The following SCARF1 variants were observed in gnomAD, a reference collection of about 807,000 sequenced individuals.
The protein encoded by SCARF1 is acetyl LDL receptor.
A neutral mutation model predicts 76.3 loss-of-function variants in SCARF1; 49 were observed. The ratio of observed to expected loss-of-function variants is 0.64; its 90% CI spans 0.51 to 0.81. The LOEUF (loss-of-function observed/expected upper bound fraction) is 0.81, where lower values mean the gene tolerates loss of function less well. Ranked by LOEUF, SCARF1 falls within the 40% of genes least tolerant of loss-of-function variation. SCARF1 has a pLI of 0.00. For missense variants in SCARF1, 1,098 were observed against 1,143.9 expected, an observed-to-expected ratio of 0.96 and a Z score of 0.58; for synonymous variants, 495 against 474.6, an observed-to-expected ratio of 1.04 and a Z score of -0.56.
chr17:1,639,227 C>T (rs73976246), intron 7 of SCARF1, among the ~76,000 whole-genome samples: 8,141 of 152,250 alleles, frequency 0.053, 290 homozygotes, highest in African/African-American at 0.099. Context: ...GTCTCTGGGC[C>T]GGGCACAGTG....
rs1354505373 is a variant in SCARF1, at chr17:1,638,919, G to C, written c.1251C>G (p.Gly417=). ...PVSGSCQPGS[G]SRDTALIAGS... ...CCGCGATGAGGGCAGTGTCCCGACT[G>C]CCAGAGCCTGGGGGAGCCAGAAACG... Residue 417 remains glycine, a synonymous_variant, in exon 8 of 11, where the codon GGC becomes GGG. Coordinates refer to ENST00000263071, the MANE Select transcript of SCARF1 (RefSeq NM_003693.4). 6 of 1,591,270 alleles carry C rather than the reference G, an allele frequency of 3.8e-6. No individual in the cohort carries two copies. Among genetic ancestry groups the C allele is most frequent in the Non-Finnish European group, 5.1e-6 (6 of 1,165,946 alleles).
chr17:1,635,816 C>T (rs1231131407), intron 10 of SCARF1, among the ~76,000 whole-genome samples, 199 bp from the exon 11 acceptor site: 2 of 147,536 alleles, frequency 1.4e-5, no homozygotes, highest in African/African-American at 2.5e-5. Flanking sequence ...GAGATGGGGT[C>T]TCACTATGTT....
Position 1,644,304 on chromosome 17 carries a change from C to G in SCARF1, c.266-337G>C, listed in dbSNP as rs1174844994. 4 of 314,984 alleles carry G rather than the reference C, an allele frequency of 1.3e-5. No individual in the cohort carries two copies. Among genetic ancestry groups the G allele is most frequent in the Admixed American group, 4.8e-5 (1 of 20,928 alleles). 19.5% of individuals were successfully genotyped at this position (314,984 alleles called of 1,614,324 possible). Reference sequence around the variant, plus strand: ...TGCTCCTCCCTGCCGAGATGGATCTCTGCTGGGCTGGAGGAGAGCTGGCTT... The same window carrying G: ...TGCTCCTCCCTGCCGAGATGGATCTGTGCTGGGCTGGAGGAGAGCTGGCTT... On this transcript the variant is annotated intron_variant, in intron 3 of 10. Transcript: ENST00000263071. The surrounding 1 kb of genome is among the most constrained non-coding windows in gnomAD (Gnocchi z 4.8).
chr17:1,643,207 C>G (rs1238188596), intron 4 of SCARF1: 1 of 111,804 alleles, frequency 8.9e-6, no homozygotes, highest in Non-Finnish European at 1.9e-5. Context: ...CGCCCCCACC[C>G]TGCCCGCTCA....
chr17:1,637,364 CTAT>C (rs746442430), intron 8 of SCARF1, among the ~76,000 whole-genome samples: 1 of 141,220 alleles, frequency 7.1e-6, no homozygotes, highest in East Asian at 2.0e-4. Flanking sequence ...ATCTATCTAT[CTAT>C]CTATATCTAT....
rs1909880069 is a variant in SCARF1, at chr17:1,639,747, G to A, written c.1140-5C>T. 1 of 1,605,226 alleles carries A rather than the reference G, an allele frequency of 6.2e-7. No individual in the cohort carries two copies. The highest frequency in any genetic ancestry group is 1.7e-5 in the Admixed American group (1 of 58,000). On this transcript the variant is annotated splice_region_variant and splice_polypyrimidine_tract_variant and intron_variant, in intron 6 of 10. Transcript: ENST00000263071. ...GCTGGGCAGGAGGCGTTGCAGCTAT[G>A]GAGTGACATGGAGAGGCAGGCTGAG... is the stretch of plus-strand genomic sequence containing the variant.
chr17:1,642,206 TAA>T (rs1263151518), intron 4 of SCARF1, among the ~76,000 whole-genome samples: 4 of 151,842 alleles, frequency 2.6e-5, no homozygotes, highest in Admixed American at 1.3e-4. Flanking sequence ...TATTATACTT[TAA>T]GTTTTAGGGT....
chr17:1,644,983 G>T lies in SCARF1; in HGVS notation c.164-48C>A. The T allele has an allele frequency of 6.3e-7, 1 of 1,590,470 alleles. No homozygotes were observed. The highest frequency in any genetic ancestry group is 8.6e-7 in the Non-Finnish European group (1 of 1,165,728). On this transcript the variant is annotated intron_variant, in intron 2 of 10. Coordinates refer to ENST00000263071, the MANE Select transcript of SCARF1 (RefSeq NM_003693.4). The surrounding 1 kb of genome is among the most constrained non-coding windows in gnomAD (Gnocchi z 4.8). ...TGGAAAGACGGGAGCAGGACCAGGG[G>T]ACACCCCTGCCCTCTCACTGGCTCC... is the stretch of plus-strand genomic sequence containing the variant.
At position 1,640,130 on chromosome 17, in the gene SCARF1, C is replaced by T; in HGVS notation, c.1011-90G>A. On this transcript the variant is annotated intron_variant, in intron 5 of 10. Coordinates refer to ENST00000263071, the MANE Select transcript of SCARF1 (RefSeq NM_003693.4). This position sits in a 1 kb window ranked among gnomAD's most constrained non-coding sequence, Gnocchi z 4.7. The stretch of plus-strand genomic sequence containing the variant: ...CACCCCTCCGCCCCACGCTCCTGGA[C>T]TCAAGGACCCAACTGGCCACTCCTC... 9 of 1,480,986 alleles carry T rather than the reference C, an allele frequency of 6.1e-6. No homozygotes were observed. Among genetic ancestry groups the T allele is most frequent in the African/African-American group, 1.4e-5 (1 of 71,612 alleles). The allele number at this position is 1,480,986 out of a possible 1,614,324, so 91.7% of individuals were successfully genotyped here. A position where few individuals can be genotyped will look rare whatever the true frequency, so the allele number is the denominator to read the frequency against.
chr17:1,642,733 C>A (rs1309912676), intron 4 of SCARF1, among the ~76,000 whole-genome samples: 2 of 152,158 alleles, frequency 1.3e-5, no homozygotes, highest in Non-Finnish European at 2.9e-5. Flanking sequence ...TTGTTTGAGA[C>A]GGAGTCTTGC....
chr17:1,643,971 C>T lies in SCARF1; in HGVS notation c.266-4G>A, dbSNP rs749815684. On this transcript the variant is annotated splice_region_variant and splice_polypyrimidine_tract_variant and intron_variant, in intron 3 of 10. Transcript: ENST00000263071. Reference sequence around the variant, plus strand: ...CCCCAGTACTGGCCCGGGCAGCCTGCGGGGGTGGGGACGGGAGGGGTCAGC... The same window carrying T: ...CCCCAGTACTGGCCCGGGCAGCCTGTGGGGGTGGGGACGGGAGGGGTCAGC... The T allele has an allele frequency of 6.8e-6, 8 of 1,171,760 alleles. No individual in the cohort carries two copies. Among genetic ancestry groups the T allele is most frequent in the South Asian group, 4.3e-5 (2 of 46,674 alleles). The allele number at this position is 1,171,760 out of a possible 1,614,324, so 72.6% of individuals were successfully genotyped here. A position where few individuals can be genotyped will look rare whatever the true frequency, so the allele number is the denominator to read the frequency against.
chr17:1,637,352 CTA>C (rs1277932837), intron 8 of SCARF1, among the ~76,000 whole-genome samples: 142 of 150,684 alleles, frequency 9.4e-4, no homozygotes, highest in African/African-American at 3.1e-3. Flanking sequence ...ATCTATCTAT[CTA>C]TCTATCTATC....
rs578211847 is a variant in SCARF1, at chr17:1,636,301, C to T, written c.1633+408G>A. On this transcript the variant is annotated intron_variant, in intron 10 of 10. Transcript: ENST00000263071. ...TCTGTCTTGTTATCTCTTGCATGCC[C>T]GGAGCCAAGAACAGTGACTAACACA... Among the ~76,000 whole-genome samples the T allele has an allele frequency of 1.4e-4, 22 of 152,312 alleles. 1 individual carries two copies. The highest frequency in any genetic ancestry group is 4.1e-4 in the South Asian group (2 of 4,824).
At chr17:1,639,120 C>A (rs1909831853) in intron 7 of SCARF1, among the ~76,000 whole-genome samples, 194 bp from the exon 8 acceptor site, 2 of 152,242 alleles carry the variant, frequency 1.3e-5, no homozygotes, top group African/African-American at 2.4e-5. Flanking sequence ...ACCCCGCTGC[C>A]CATTTCACGG....
In SCARF1 at chr17:1,643,627, C is replaced by A. The variant is rs1381766035; in HGVS notation, c.606G>T (p.Glu202Asp). 7 of 1,473,224 alleles carry A rather than the reference C, an allele frequency of 4.8e-6. No homozygotes were observed. Among genetic ancestry groups the A allele is most frequent in the South Asian group, 1.3e-5 (1 of 78,340 alleles). 91.3% of individuals were successfully genotyped at this position (1,473,224 alleles called of 1,614,324 possible). A position where few individuals can be genotyped will look rare whatever the true frequency, so the allele number is the denominator to read the frequency against. Reference protein sequence around the residue: ...FRCNCHGSPCEQDSGRCACRP... With the variant: ...FRCNCHGSPCDQDSGRCACRP... ...GGCAGGCGCAGCGGCCGGAGTCCTG[C>A]TCGCACGGGGAGCCGTGGCAGTTGC... The change falls in exon 4 of 11, where the codon GAG becomes GAT. Residue 202 changes from glutamate to aspartate, a missense_variant. Coordinates refer to ENST00000263071, the MANE Select transcript of SCARF1 (RefSeq NM_003693.4).
At position 1,640,341 on chromosome 17, in the gene SCARF1, G is replaced by T; in HGVS notation, c.1010+107C>A. 9.2e-7 allele frequency: 1 copy of T among 1,088,408 alleles called. No homozygotes were observed. Among genetic ancestry groups the T allele is most frequent in the Non-Finnish European group, 1.3e-6 (1 of 757,538 alleles). The allele number at this position is 1,088,408 out of a possible 1,614,324, so 67.4% of individuals were successfully genotyped here. A position where few individuals can be genotyped will look rare whatever the true frequency, so the allele number is the denominator to read the frequency against. ...CTTCAACAGGAGGGAGGCCCCTGGGGCCGCATGAACCTGTGTGTCGGGGAG... is the reference window on the plus strand; with the variant it reads ...CTTCAACAGGAGGGAGGCCCCTGGGTCCGCATGAACCTGTGTGTCGGGGAG... On this transcript the variant is annotated intron_variant, in intron 5 of 10. Coordinates refer to ENST00000263071, the MANE Select transcript of SCARF1 (RefSeq NM_003693.4). The surrounding 1 kb of genome is among the most constrained non-coding windows in gnomAD (Gnocchi z 4.7).
chr17:1,638,811 C>A lies in SCARF1; in HGVS notation c.1359G>T (p.Lys453Asn). Reference sequence around the variant, plus strand: ...AGGGACGGGCTGGCGTTCACCTGTCCTTGAGGTCTGATCGGGGGGCCCAGC... The same window carrying A: ...AGGGACGGGCTGGCGTTCACCTGTCATTGAGGTCTGATCGGGGGGCCCAGC... ...CCCWAPRSDL[K>N]DRPARDGATV... Residue 453 changes from lysine (K) to asparagine (N), a missense_variant, in exon 8 of 11, where the codon AAG becomes AAT. Lys to Asn is a moderately conservative substitution (Grantham distance 94). Transcript: ENST00000263071. 6.2e-7 allele frequency: 1 copy of A among 1,608,036 alleles called. No homozygotes were observed. The highest frequency in any genetic ancestry group is 8.5e-7 in the Non-Finnish European group (1 of 1,176,698).
chr17:1,639,650 G>T lies in SCARF1; in HGVS notation c.1232C>A (p.Ser411Tyr), dbSNP rs758947071. ...PEGLCHPVSG[S>Y]CQPGSGSRDT... is the part of the protein sequence containing the mutation. Reference sequence around the variant, plus strand: ...TTCTTCCACCTTACCTGGCTGGCAGGACCCAGAGACAGGGTGGCAGAGTCC... The same window carrying T: ...TTCTTCCACCTTACCTGGCTGGCAGTACCCAGAGACAGGGTGGCAGAGTCC... The change falls in exon 7 of 11, where the codon TCC becomes TAC. Residue 411 changes from serine (S) to tyrosine (Y), a missense_variant. Transcript: ENST00000263071. 4 of 1,567,582 alleles carry T rather than the reference G, an allele frequency of 2.6e-6. No individual in the cohort carries two copies. The South Asian group carries it at 4.7e-5, about 18-fold the overall frequency.
In SCARF1 at chr17:1,635,356, G is replaced by A. The variant is rs1362670292; in HGVS notation, c.1895C>T (p.Ala632Val). 2 of 1,613,194 alleles carry A rather than the reference G, an allele frequency of 1.2e-6. No individual in the cohort carries two copies. The highest frequency in any genetic ancestry group is 1.7e-5 in the Admixed American group (1 of 59,990). Reference sequence around the variant, plus strand: ...TTCCTCTGGGCCTGTGGACTCTTCGGCTTCCCGGCCCTCAGGACCCGACTG... The same window carrying A: ...TTCCTCTGGGCCTGTGGACTCTTCGACTTCCCGGCCCTCAGGACCCGACTG... ...GAQSGPEGRE[A>V]EESTGPEEAE... The change falls in exon 11 of 11, where the codon GCC (alanine) becomes GTC (valine). Residue 632 changes from alanine to valine, a missense_variant. Physicochemically the swap from Ala to Val is moderately conservative, Grantham distance 64. Transcript: ENST00000263071.
Sources: gnomAD v4.1 joint callset for allele counts (sites outside exome capture counted in the v4.1 genomes callset) on GRCh38, gnomAD v4.1.1 for gene constraint, Gnocchi (gnomAD v3.1) non-coding constraint, MANE v1.5 for transcripts, NCBI Gene and HGNC (gene_info 2026-07-23, HGNC 2026-07-21) for gene names.